Variants in KCNK12 observed in about 807,000 individuals in gnomAD.
KCNK12 encodes the protein potassium two pore domain channel subfamily K member 12.
KCNK12 carries 6 observed loss-of-function variants against 25.3 expected under a neutral mutation model. The ratio of observed to expected loss-of-function variants is 0.24; its 90% CI spans 0.13 to 0.47. KCNK12 has a LOEUF of 0.47. Among genes scored for constraint, KCNK12 ranks in the 20% least tolerant of loss-of-function variants. KCNK12 has a pLI of 0.99. For synonymous variants in KCNK12, 331 were observed against 311.1 expected (o/e 1.06, Z -0.67); for missense variants, 444 against 661.7 (o/e 0.67, Z 3.61).
rs1669784359 is a variant in KCNK12, at chr2:47,566,239, C to G, written c.391+3702G>C. On this transcript the variant is annotated intron_variant, in intron 1 of 1. Transcript: ENST00000327876. The surrounding 1 kb of genome is among the most constrained non-coding windows in gnomAD (Gnocchi z 4.1). ...AACTGCCCAGCTGTGGATACGGGGC[C>G]CTGTTCAAACCAAATATCAGGACAA... 2.0e-5 allele frequency: 3 copies of G among 152,184 alleles called. No homozygotes were observed. In the South Asian group the frequency reaches 6.2e-4, roughly 32 times the overall value. The allele number at this position is 152,184 out of a possible 1,614,324, so 9.4% of individuals were successfully genotyped here. A position where few individuals can be genotyped will look rare whatever the true frequency, so the allele number is the denominator to read the frequency against.
rs1669857909 is a variant in KCNK12, at chr2:47,570,055, A to G, written c.277T>C (p.Phe93Leu). 1 of 1,414,458 alleles carries G rather than the reference A, an allele frequency of 7.1e-7. No homozygotes were observed. The highest frequency in any genetic ancestry group is 9.2e-7 in the Non-Finnish European group (1 of 1,084,814). The allele number at this position is 1,414,458 out of a possible 1,614,324, so 87.6% of individuals were successfully genotyped here. The change falls in exon 1 of 2, where the codon TTC becomes CTC. Residue 93 changes from phenylalanine (F) to leucine (L), a missense_variant. By Grantham distance (22) the Phe-to-Leu change is conservative. Transcript: ENST00000327876. ...AGCGCGGCCTCGTAGTGCCGGAGGAAGGCGCGCAGCTCTGGCTCGGCCACG... is the reference window on the plus strand; with the variant it reads ...AGCGCGGCCTCGTAGTGCCGGAGGAGGGCGCGCAGCTCTGGCTCGGCCACG... ...HGVAEPELRA[F>L]LRHYEAALAA...
At position 47,566,840 on chromosome 2, in the gene KCNK12, C is replaced by T. The variant is rs1669795905; in HGVS notation, c.391+3101G>A. On this transcript the variant is annotated intron_variant, in intron 1 of 1. Coordinates refer to ENST00000327876, the MANE Select transcript of KCNK12 (RefSeq NM_022055.2). This position sits in a 1 kb window ranked among gnomAD's most constrained non-coding sequence, Gnocchi z 4.1. ...TTGGTTTCTGGACCTAGCTGAACCCCTCATTAACTGTGTGACCACTGACAA... is the reference window on the plus strand; with the variant it reads ...TTGGTTTCTGGACCTAGCTGAACCCTTCATTAACTGTGTGACCACTGACAA... 2 of 152,196 alleles carry T rather than the reference C, an allele frequency of 1.3e-5. No homozygotes were observed. Among genetic ancestry groups the T allele is most frequent in the African/African-American group, 2.4e-5 (1 of 41,444 alleles). The allele number at this position is 152,196 out of a possible 1,614,324, so 9.4% of individuals were successfully genotyped here.
chr2:47,523,543 C>T (rs915970718), intron 1 of KCNK12, among the ~76,000 whole-genome samples: 3 of 152,226 alleles, frequency 2.0e-5, no homozygotes, highest in African/African-American at 7.2e-5. Context: ...GTGTCTTTAT[C>T]AATTGATTTC....
rs1274565145 is a variant in KCNK12 at position 47,556,502 on chromosome 2, C to T, written c.391+13439G>A. Among the ~76,000 whole-genome samples, 2 of 152,102 alleles carry T rather than the reference C, an allele frequency of 1.3e-5. No individual in the cohort carries two copies. The highest frequency in any genetic ancestry group is 2.9e-5 in the Non-Finnish European group (2 of 68,004). ...GAAGTACAGTGGGATGTGGGGGGTG[C>T]TGCCAGTGTGGAGTGTCCAGCTGGT... On this transcript the variant is annotated intron_variant, in intron 1 of 1. Coordinates refer to ENST00000327876, the MANE Select transcript of KCNK12 (RefSeq NM_022055.2). This position sits in a 1 kb window ranked among gnomAD's most constrained non-coding sequence, Gnocchi z 4.8.
rs1669115720 is a variant in KCNK12, at chr2:47,538,126, G to C, written c.392-16318C>G. 6.6e-6 allele frequency among the ~76,000 whole-genome samples: 1 copy of C among 152,240 alleles called. No homozygotes were observed. The highest frequency in any genetic ancestry group is 6.5e-5 in the Admixed American group (1 of 15,290). On this transcript the variant is annotated intron_variant, in intron 1 of 1. Transcript: ENST00000327876. The surrounding 1 kb of genome is among the most constrained non-coding windows in gnomAD (Gnocchi z 4.5). The stretch of plus-strand genomic sequence containing the variant: ...AACAAACATTTATTGAGGGCCTACT[G>C]TGGCCAGGAACTGTGCTAGGCCCTT...
intron 1 of KCNK12, among the ~76,000 whole-genome samples, chr2:47,531,592 G>A (rs1206119325): frequency 6.6e-6 from 1 of 152,210 alleles, no homozygotes; most frequent in Non-Finnish European, 1.5e-5. Context: ...CAGGGTGAGG[G>A]GGTTCAGCCT....
rs1447058210 is a variant in KCNK12 at position 47,515,634 on chromosome 2, G to A, written c.*5273C>T. Among the ~76,000 whole-genome samples the A allele has an allele frequency of 6.6e-6, 1 of 152,186 alleles. No homozygotes were observed. Among genetic ancestry groups the A allele is most frequent in the African/African-American group, 2.4e-5 (1 of 41,436 alleles). Reference sequence around the variant, plus strand: ...CATGCTCAACAGGGTGGGGAGCCCAGGGGAGTGGGGAGTGATCGTATAGAC... The same window carrying A: ...CATGCTCAACAGGGTGGGGAGCCCAAGGGAGTGGGGAGTGATCGTATAGAC... On this transcript the variant is annotated 3_prime_UTR_variant, in exon 2 of 2. Coordinates refer to ENST00000327876, the MANE Select transcript of KCNK12 (RefSeq NM_022055.2).
chr2:47,550,973 A>G (rs1000518435), intron 1 of KCNK12, among the ~76,000 whole-genome samples: 1 of 152,072 alleles, frequency 6.6e-6, no homozygotes, highest in Non-Finnish European at 1.5e-5. Context: ...AGATCATGTT[A>G]TGCCTCTTTT....
chr2:47,539,131 A>G (rs531181123), intron 1 of KCNK12, among the ~76,000 whole-genome samples: 37 of 152,340 alleles, frequency 2.4e-4, no homozygotes, highest in African/African-American at 7.9e-4. Flanking sequence ...TAAAGACAAT[A>G]TCATCATTGC....
chr2:47,514,392 G>A lies in KCNK12; in HGVS notation c.*6515C>T, dbSNP rs1265181501. ...GTCCAGGGACATCAAGGGCGGTCCT[G>A]TCTTTCTCACCCTTGTCTCTCCAGC... is the stretch of plus-strand genomic sequence containing the variant. On this transcript the variant is annotated 3_prime_UTR_variant, in exon 2 of 2. Transcript: ENST00000327876. The surrounding 1 kb of genome is among the most constrained non-coding windows in gnomAD (Gnocchi z 5.0). 6.6e-6 allele frequency among the ~76,000 whole-genome samples: 1 copy of A among 152,180 alleles called. No homozygotes were observed. Among genetic ancestry groups the A allele is most frequent in the Non-Finnish European group, 1.5e-5 (1 of 68,028 alleles).
chr2:47,548,920 G>A lies in KCNK12; in HGVS notation c.391+21021C>T, dbSNP rs6544995. 0.26 allele frequency among the ~76,000 whole-genome samples: 38,803 copies of A among 152,050 alleles called. 6,669 individuals are homozygous for A. The highest frequency in any genetic ancestry group is 0.49 in the African/African-American group (20,239 of 41,434). Reference sequence around the variant, plus strand: ...AAGCAGCTGTCACTGCTTAACTGCTGTAACTACTGTGGAGCACTGGAGAGG... The same window carrying A: ...AAGCAGCTGTCACTGCTTAACTGCTATAACTACTGTGGAGCACTGGAGAGG... On this transcript the variant is annotated intron_variant, in intron 1 of 1. Transcript: ENST00000327876. The surrounding 1 kb of genome is among the most constrained non-coding windows in gnomAD (Gnocchi z 4.4).
chr2:47,512,453 C>T lies in KCNK12; in HGVS notation c.*8454G>A. 1 of 1,573,472 alleles carries T rather than the reference C, an allele frequency of 6.4e-7. No individual in the cohort carries two copies. The highest frequency in any genetic ancestry group is 8.6e-7 in the Non-Finnish European group (1 of 1,160,704). On this transcript the variant is annotated 3_prime_UTR_variant, in exon 2 of 2. Transcript: ENST00000327876. ...CTCATGACCTGGTGTCTGTTGCCTTCTGGTTAAGTTTTTCATTTGTAATTC... is the reference window on the plus strand; with the variant it reads ...CTCATGACCTGGTGTCTGTTGCCTTTTGGTTAAGTTTTTCATTTGTAATTC...
intron 1 of KCNK12, among the ~76,000 whole-genome samples, chr2:47,554,475 TCA>T (rs1159880069): frequency 6.6e-6 from 1 of 152,168 alleles, no homozygotes; most frequent in Non-Finnish European, 1.5e-5. Flanking sequence ...ATGCCGTGAC[TCA>T]CAGAGCAGTG....
At position 47,570,559 on chromosome 2, in the gene KCNK12, G is replaced by C. The variant is rs939114188; in HGVS notation, c.-228C>G. The C allele has an allele frequency of 3.0e-6, 1 of 330,492 alleles. No homozygotes were observed. Among genetic ancestry groups the C allele is most frequent in the Admixed American group, 5.1e-5 (1 of 19,656 alleles). The allele number at this position is 330,492 out of a possible 1,614,324, so 20.5% of individuals were successfully genotyped here. On this transcript the variant is annotated 5_prime_UTR_variant, in exon 1 of 2. Transcript: ENST00000327876. ...ACGCGAGTCCCGTGGCCCAGCGGGT[G>C]CCCGGGCAGGGGCGCTCCTCTGCGC...
rs1301613786 is a variant in KCNK12, at chr2:47,529,565, G to A, written c.392-7757C>T. ...CCAGCCTGTACTATATTGAGTAGCA[G>A]CCAGGCTACTTGGAGAACAGACTGA... On this transcript the variant is annotated intron_variant, in intron 1 of 1. Coordinates refer to ENST00000327876, the MANE Select transcript of KCNK12 (RefSeq NM_022055.2). The surrounding 1 kb of genome is among the most constrained non-coding windows in gnomAD (Gnocchi z 4.3). Among the ~76,000 whole-genome samples, 1 of 152,194 alleles carries A rather than the reference G, an allele frequency of 6.6e-6. No individual in the cohort carries two copies. The highest frequency in any genetic ancestry group is 1.9e-4 in the East Asian group (1 of 5,188).
In KCNK12 at chr2:47,565,429, T is replaced by A. The variant is rs1403656540; in HGVS notation, c.391+4512A>T. 1 of 152,210 alleles carries A rather than the reference T, an allele frequency of 6.6e-6. No homozygotes were observed. The highest frequency in any genetic ancestry group is 1.9e-4 in the East Asian group (1 of 5,198). The allele number at this position is 152,210 out of a possible 1,614,324, so 9.4% of individuals were successfully genotyped here. On this transcript the variant is annotated intron_variant, in intron 1 of 1. Transcript: ENST00000327876. The surrounding 1 kb of genome is among the most constrained non-coding windows in gnomAD (Gnocchi z 5.0). ...CTAATCTCGTGGCTGAATAATTAAG[T>A]GTGCCTAATTCTGAAAGTAGCAAGC... is the stretch of plus-strand genomic sequence containing the variant.
intron 1 of KCNK12, among the ~76,000 whole-genome samples, chr2:47,523,155 A>G (rs371445931): frequency 4.8e-4 from 73 of 152,350 alleles, no homozygotes; most frequent in African/African-American, 1.6e-3. Context: ...CAGCCTTGTT[A>G]GGGAAGCATT....
chr2:47,531,201 G>A (rs550623656), intron 1 of KCNK12, among the ~76,000 whole-genome samples: 3 of 152,296 alleles, frequency 2.0e-5, no homozygotes, highest in East Asian at 1.9e-4. Context: ...GGCCGGGCAC[G>A]GTGGCTCACA....
At position 47,565,512 on chromosome 2, in the gene KCNK12, G is replaced by A. The variant is rs906285841; in HGVS notation, c.391+4429C>T. 2.0e-5 allele frequency: 3 copies of A among 152,120 alleles called. No individual in the cohort carries two copies. The highest frequency in any genetic ancestry group is 1.9e-4 in the East Asian group (1 of 5,200). 9.4% of individuals were successfully genotyped at this position (152,120 alleles called of 1,614,324 possible). A position where few individuals can be genotyped will look rare whatever the true frequency, so the allele number is the denominator to read the frequency against. ...ATACCTACACCATCCCGTCTACAGCGGCATGATTTTAGCTTTATAGCTAAA... is the reference window on the plus strand; with the variant it reads ...ATACCTACACCATCCCGTCTACAGCAGCATGATTTTAGCTTTATAGCTAAA... On this transcript the variant is annotated intron_variant, in intron 1 of 1. Coordinates refer to ENST00000327876, the MANE Select transcript of KCNK12 (RefSeq NM_022055.2). This position sits in a 1 kb window ranked among gnomAD's most constrained non-coding sequence, Gnocchi z 5.0.
Sources: gnomAD v4.1 joint callset for allele counts (sites outside exome capture counted in the v4.1 genomes callset) on GRCh38, gnomAD v4.1.1 for gene constraint, Gnocchi (gnomAD v3.1) non-coding constraint, MANE v1.5 for transcripts, NCBI Gene and HGNC (gene_info 2026-07-23, HGNC 2026-07-21) for gene names.